The following COL4A3 variants were observed in gnomAD, a reference collection of about 807,000 sequenced individuals.
COL4A3 encodes the protein collagen alpha-3(IV) chain.
A neutral mutation model predicts 217.4 loss-of-function variants in COL4A3; 135 were observed. The ratio of observed to expected loss-of-function variants is 0.62; its 90% CI spans 0.54 to 0.72. The LOEUF (loss-of-function observed/expected upper bound fraction) is 0.72, where lower values mean the gene tolerates loss of function less well. COL4A3 is among the 30% of genes least tolerant of loss of function. The probability of loss-of-function intolerance (pLI) is 0.00; values close to 1 mark genes in which losing one functional copy is unlikely to be tolerated. For missense variants in COL4A3, 1,868 were observed against 2,119.9 expected, an observed-to-expected ratio of 0.88 and a Z score of 2.33; for synonymous variants, 690 against 736.3, an observed-to-expected ratio of 0.94 and a Z score of 1.02.
chr2:227,204,675 C>T (rs2067032311), intron 1 of COL4A3, among the ~76,000 whole-genome samples: 1 of 152,158 alleles, frequency 6.6e-6, no homozygotes, highest in Non-Finnish European at 1.5e-5. Flanking sequence ...ACCAAGTAGC[C>T]AGGGATTTTC....
Position 227,280,949 on chromosome 2 carries a change from G to A in COL4A3, c.2431G>A (p.Glu811Lys). Residue 811 changes from glutamate (E) to lysine (K), a missense_variant, in exon 31 of 52, where the codon GAG becomes AAG. By Grantham distance (56) the Glu-to-Lys change is moderately conservative (BLOSUM62 1). Coordinates refer to ENST00000396578, the MANE Select transcript of COL4A3 (RefSeq NM_000091.5). Reference sequence around the variant, plus strand: ...ACAAGGACCCCCAGGAAGGTGCATAGAGGGTCCCAGGGGAGCCCAAGGACT... The same window carrying A: ...ACAAGGACCCCCAGGAAGGTGCATAAAGGGTCCCAGGGGAGCCCAAGGACT... ...GEQGPPGRCIEGPRGAQGLPG... is the reference protein window; with the variant it reads ...GEQGPPGRCIKGPRGAQGLPG... 6.4e-7 allele frequency: 1 copy of A among 1,568,618 alleles called. No homozygotes were observed. The highest frequency in any genetic ancestry group is 1.2e-5 in the South Asian group (1 of 84,918).
chr2:227,267,792 GAA>G (rs11298010), intron 23 of COL4A3, among the ~76,000 whole-genome samples: 4,755 of 146,722 alleles, frequency 0.032, 130 homozygotes, highest in Admixed American at 0.046. Flanking sequence ...ATTTTGAAAG[GAA>G]AAAAAAAAAA....
rs35803812 is a variant in COL4A3, at chr2:227,294,944, GTTTT to G, written c.3419-7_3419-4del. Reference sequence around the variant, plus strand: ...GTATACCATAGTTTGGGGTTTTTGGGTTTTTTTTTTTTTTTTCAGGTCTTCCAGG... The same window carrying G: ...GTATACCATAGTTTGGGGTTTTTGGGTTTTTTTTTTTTCAGGTCTTCCAGG... On this transcript the variant is annotated splice_polypyrimidine_tract_variant and intron_variant, in intron 39 of 51. Transcript: ENST00000396578. 5.8e-5 allele frequency: 79 copies of G among 1,368,708 alleles called. No individual in the cohort carries two copies. The highest frequency in any genetic ancestry group is 7.2e-5 in the Non-Finnish European group (71 of 979,372). The allele number at this position is 1,368,708 out of a possible 1,614,324, so 84.8% of individuals were successfully genotyped here.
At chr2:227,190,447 A>C (rs1398765863) in intron 1 of COL4A3, among the ~76,000 whole-genome samples, 1 of 152,240 alleles carries the variant, frequency 6.6e-6, no homozygotes, top group South Asian at 2.1e-4. Flanking sequence ...ACACTTCTAC[A>C]GTCTGAAGCA....
At chr2:227,201,820 G>C (rs1428229032) in intron 1 of COL4A3, among the ~76,000 whole-genome samples, 1 of 152,172 alleles carries the variant, frequency 6.6e-6, no homozygotes, top group African/African-American at 2.4e-5. Flanking sequence ...TGGATAGCCA[G>C]ATTAATTTTT....
chr2:227,167,407 C>T (rs941938517), intron 1 of COL4A3, among the ~76,000 whole-genome samples: 4 of 152,240 alleles, frequency 2.6e-5, no homozygotes, highest in African/African-American at 9.6e-5. Flanking sequence ...AGCGCATCCC[C>T]AGGTTTTATA....
At chr2:227,254,004 T>C (rs1215494485) in intron 13 of COL4A3, 108 bp from the exon 14 acceptor site, 6 of 1,028,994 alleles carry the variant, frequency 5.8e-6, no homozygotes, top group South Asian at 2.6e-5. Flanking sequence ...GGCACATTCA[T>C]AGTTTGTAAA....
chr2:227,242,925 G>A (rs922761182), intron 3 of COL4A3, among the ~76,000 whole-genome samples: 4 of 151,892 alleles, frequency 2.6e-5, no homozygotes, highest in Non-Finnish European at 5.9e-5. Flanking sequence ...TCCTTCTTCC[G>A]ATCCTAATTT....
At chr2:227,202,746 A>ATAT (rs1553738296) in intron 1 of COL4A3, among the ~76,000 whole-genome samples, 24 of 22,202 alleles carry the variant, frequency 1.1e-3, no homozygotes, top group African/African-American at 2.1e-3. Context: ...AAAAAAAAAA[A>ATAT]ATATATATAT....
At chr2:227,214,233 C>G (rs1051755863) in intron 1 of COL4A3, among the ~76,000 whole-genome samples, 6 of 152,118 alleles carry the variant, frequency 3.9e-5, no homozygotes, top group African/African-American at 1.2e-4. Context: ...TCTAAATATG[C>G]ATTCTGAGGA....
chr2:227,287,424 C>G (rs148099329), intron 34 of COL4A3, among the ~76,000 whole-genome samples: 31 of 150,264 alleles, frequency 2.1e-4, no homozygotes, highest in Non-Finnish European at 3.5e-4. Context: ...AGCAAGACTC[C>G]GTCTCAAAAA....
intron 1 of COL4A3, among the ~76,000 whole-genome samples, chr2:227,204,050 A>G (rs2067000474): frequency 6.6e-6 from 1 of 152,102 alleles, no homozygotes; most frequent in Non-Finnish European, 1.5e-5. Flanking sequence ...GAACCTTTAT[A>G]GTATGGTGCT....
At chr2:227,185,297 G>T (rs1054127898) in intron 1 of COL4A3, among the ~76,000 whole-genome samples, 2 of 152,162 alleles carry the variant, frequency 1.3e-5, no homozygotes, top group African/African-American at 2.4e-5. Flanking sequence ...CAAGTGCAAG[G>T]TCTGATCAAA....
At position 227,256,413 on chromosome 2, in the gene COL4A3, T is replaced by C. The variant is rs201127190; in HGVS notation, c.987+17T>C. On this transcript the variant is annotated intron_variant, in intron 17 of 51. Transcript: ENST00000396578. Reference sequence around the variant, plus strand: ...GGCATTAAGGTAATCCTCTCCCTAATAGCCTATTTTAATAGGTTGGGTTTT... The same window carrying C: ...GGCATTAAGGTAATCCTCTCCCTAACAGCCTATTTTAATAGGTTGGGTTTT... The C allele has an allele frequency of 1.1e-4, 169 of 1,607,660 alleles. 1 individual carries two copies. In the Admixed American group the frequency reaches 2.7e-3, roughly 26 times the overall value.
intron 28 of COL4A3, 193 bp from the exon 29 acceptor site, chr2:227,279,600 G>A (rs2071814963): frequency 1.8e-6 from 1 of 569,330 alleles, no homozygotes; most frequent in African/African-American, 1.9e-5. Flanking sequence ...AATAGAGAAA[G>A]TTATTTTTTC....
chr2:227,293,059 A>T, intron 37 of COL4A3, 132 bp from the exon 38 acceptor site: 1 of 1,166,908 alleles, frequency 8.6e-7, no homozygotes, highest in Non-Finnish European at 1.2e-6. Flanking sequence ...CACCTATCAC[A>T]GTGCTGGCAG....
intron 1 of COL4A3, among the ~76,000 whole-genome samples, chr2:227,231,112 G>T (rs765997563): frequency 6.6e-6 from 1 of 152,152 alleles, no homozygotes; most frequent in Non-Finnish European, 1.5e-5. Context: ...AGCCTCATCT[G>T]CAGGGCAGAC....
rs1261999205 is a variant in COL4A3, at chr2:227,314,526, C to T, written c.*2656C>T. On this transcript the variant is annotated 3_prime_UTR_variant, in exon 52 of 52. Coordinates refer to ENST00000396578, the MANE Select transcript of COL4A3 (RefSeq NM_000091.5). ...CAGCAAGATAAACATTATTAAGTAA[C>T]TTATTTATGAAAGTATTAAAATGCT... 6.6e-6 allele frequency: 1 copy of T among 152,512 alleles called. No homozygotes were observed. 9.4% of individuals were successfully genotyped at this position (152,512 alleles called of 1,614,324 possible).
At chr2:227,310,383 T>C (rs1486485410) in intron 50 of COL4A3, among the ~76,000 whole-genome samples, 4 of 152,180 alleles carry the variant, frequency 2.6e-5, no homozygotes, top group African/African-American at 4.8e-5. Context: ...ATCTCTGCCT[T>C]CTGGCTCACT....
Sources: gnomAD v4.1 joint callset for allele counts (sites outside exome capture counted in the v4.1 genomes callset) on GRCh38, gnomAD v4.1.1 for gene constraint, MANE v1.5 for transcripts, NCBI Gene and HGNC (gene_info 2026-07-23, HGNC 2026-07-21) for gene names.